Variants in RAB33A observed in about 807,000 individuals in gnomAD.
RAB33A encodes the protein ras-related protein Rab-33A.
RAB33A carries 6 observed loss-of-function variants against 12.0 expected under a neutral mutation model. That is an observed-to-expected ratio of 0.50 (90% confidence interval 0.27 to 0.99). RAB33A has a LOEUF of 0.99. RAB33A is among the 50% of genes least tolerant of loss of function. The pLI, the probability that RAB33A is intolerant of heterozygous loss-of-function variation, is 0.11. For synonymous variants in RAB33A, 70 were observed against 82.4 expected (o/e 0.85, Z 0.81); for missense variants, 109 against 192.0 (o/e 0.57, Z 2.55).
chrX:130,175,492 CTTTT>C (rs5903795), intron 1 of RAB33A, among the ~76,000 whole-genome samples: 3 of 75,586 alleles, frequency 4.0e-5, no homozygotes, highest in East Asian at 3.9e-4. Flanking sequence ...ACTGGGTTTA[CTTTT>C]TTTTTTTTTT....
At chrX:130,159,877 G>A in the RAB33A span, among the ~76,000 whole-genome samples, 1 of 108,187 alleles carries the variant, frequency 9.2e-6, no homozygotes, top group Non-Finnish European at 1.9e-5. Context: ...CTGGAGTGCA[G>A]TGGCACAATC....
chrX:130,156,870 G>A, the RAB33A span, among the ~76,000 whole-genome samples: 4 of 111,612 alleles, frequency 3.6e-5, no homozygotes, highest in Admixed American at 9.6e-5. Flanking sequence ...TGAAAAACAC[G>A]AACAGTTCAT....
At chrX:130,154,848 C>A in the RAB33A span, among the ~76,000 whole-genome samples, 1 of 112,458 alleles carries the variant, frequency 8.9e-6, no homozygotes, top group Non-Finnish European at 1.9e-5. Context: ...ATATGCAGCA[C>A]TAAAGCACAA....
At chrX:130,159,889 C>T in the RAB33A span, among the ~76,000 whole-genome samples, 1 of 108,699 alleles carries the variant, frequency 9.2e-6, no homozygotes, top group Non-Finnish European at 1.9e-5. Context: ...GGCACAATCT[C>T]GGCTCACTGC....
At chrX:130,139,741 A>T in the RAB33A span, 5 of 1,158,548 alleles carry the variant, frequency 4.3e-6, no homozygotes, top group Admixed American at 4.4e-5. Flanking sequence ...GGACTGCAAG[A>T]TTATACTACT....
the RAB33A span, among the ~76,000 whole-genome samples, chrX:130,135,587 T>C: frequency 9.0e-6 from 1 of 110,879 alleles, no homozygotes; most frequent in Non-Finnish European, 1.9e-5. Context: ...ACTATAGTCT[T>C]GTTTATGTCA....
chrX:130,172,538 G>C (rs1301389674), intron 1 of RAB33A, among the ~76,000 whole-genome samples: 3 of 112,043 alleles, frequency 2.7e-5, no homozygotes, highest in Non-Finnish European at 3.8e-5. Flanking sequence ...GAATGGGGTT[G>C]CATTCTTACC....
the RAB33A span, among the ~76,000 whole-genome samples, chrX:130,114,413 C>T: frequency 1.8e-5 from 2 of 112,374 alleles, no homozygotes; most frequent in Admixed American, 9.4e-5. Flanking sequence ...TGCCCTTCTC[C>T]TTCCCCACAC....
rs1385275909 is a variant in RAB33A at position 130,184,717 on chromosome X, A to G, written c.691A>G (p.Ser231Gly). ...QKLEFPQEANSKTSCPC is the reference protein window; with the variant it reads ...QKLEFPQEANGKTSCPC ...ACTGGAGTTCCCACAGGAAGCTAACAGTAAAACTTCCTGTCCTTGTTGAAA... is the reference window on the plus strand; with the variant it reads ...ACTGGAGTTCCCACAGGAAGCTAACGGTAAAACTTCCTGTCCTTGTTGAAA... The change falls in exon 2 of 2, where the codon AGT becomes GGT. Residue 231 changes from serine (S) to glycine (G), a missense_variant. Ser to Gly is a moderately conservative substitution (Grantham distance 56, BLOSUM62 0). Transcript: ENST00000257017. 5.8e-6 allele frequency: 7 copies of G among 1,208,726 alleles called. No individual in the cohort carries two copies. The African/African-American group carries it at 1.2e-4, about 21-fold the overall frequency.
the RAB33A span, chrX:130,133,489 T>TA: frequency 0.033 from 27,816 of 833,448 alleles, 2 homozygotes; most frequent in Admixed American, 0.046. Context: ...GAACACATGA[T>TA]AAAAAAAAAA....
chrX:130,119,120 C>T, the RAB33A span, among the ~76,000 whole-genome samples: 2 of 111,125 alleles, frequency 1.8e-5, no homozygotes, highest in South Asian at 7.7e-4. Flanking sequence ...TTCCACTCTT[C>T]GGAGGAATGT....
chrX:130,161,182 G>A, the RAB33A span, among the ~76,000 whole-genome samples: 18 of 111,031 alleles, frequency 1.6e-4, no homozygotes, highest in East Asian at 4.0e-3. Flanking sequence ...CTTGAGACTT[G>A]TTTCCTGAGG....
the RAB33A span, chrX:130,149,318 C>A: frequency 1.1e-4 from 54 of 508,369 alleles, no homozygotes; most frequent in African/African-American, 1.1e-3. Flanking sequence ...TAAATCACTC[C>A]CAGTTCTAGG....
chrX:130,184,789 T>C lies in RAB33A; in HGVS notation c.*49T>C, dbSNP rs766955072. The C allele has an allele frequency of 1.1e-5, 12 of 1,100,791 alleles. No individual in the cohort carries two copies. In the South Asian group the frequency reaches 1.6e-4, roughly 15 times the overall value. The allele number at this position is 1,100,791 out of a possible 1,213,427, so 90.7% of individuals were successfully genotyped here. A position where few individuals can be genotyped will look rare whatever the true frequency, so the allele number is the denominator to read the frequency against. ...TAAATTATCACTGGAGTTTTTTCTT[T>C]CCCTTTTTTCTGTGCCTGCATAATG... is the stretch of plus-strand genomic sequence containing the variant. On this transcript the variant is annotated 3_prime_UTR_variant, in exon 2 of 2. Coordinates refer to ENST00000257017, the MANE Select transcript of RAB33A (RefSeq NM_004794.3).
chrX:130,149,660 G>A, the RAB33A span: 1 of 685,211 alleles, frequency 1.5e-6, no homozygotes, highest in Admixed American at 2.4e-5. Flanking sequence ...AGAAGCTTTT[G>A]TCTATCTGAT....
the RAB33A span, chrX:130,129,262 G>T: frequency 2.9e-6 from 1 of 350,126 alleles, no homozygotes; most frequent in South Asian, 3.5e-5. Context: ...ATACATGGCT[G>T]AGAAAAATCC....
the RAB33A span, chrX:130,149,636 C>T: frequency 3.8e-6 from 3 of 785,955 alleles, no homozygotes; most frequent in South Asian, 4.2e-5. Flanking sequence ...GTAATATTAT[C>T]TTTCAATTAA....
the RAB33A span, among the ~76,000 whole-genome samples, chrX:130,113,077 C>CTTTTTTTTTTTTT: frequency 1.1e-4 from 5 of 46,979 alleles, no homozygotes; most frequent in Non-Finnish European, 1.8e-4. Context: ...TTTTTTCCTT[C>CTTTTTTTTTTTTT]TTTTTTTTTT....
At chrX:130,155,304 G>C in the RAB33A span, 2 of 1,205,730 alleles carry the variant, frequency 1.7e-6, no homozygotes, top group Non-Finnish European at 2.2e-6. Flanking sequence ...TAAAGATAAG[G>C]CCAAGAGAGA....
Sources: allele counts gnomAD v4.1 joint callset (sites outside exome capture counted in the v4.1 genomes callset), GRCh38; gene constraint gnomAD v4.1.1; transcripts MANE v1.5; gene names NCBI Gene and HGNC (gene_info 2026-07-23, HGNC 2026-07-21).